DNAJB6: variants seen among roughly 807,000 people sequenced by gnomAD.
DNAJB6 encodes the protein DnaJ heat shock protein family (Hsp40) member B6.
In DNAJB6, 16 loss-of-function variants were observed where a neutral mutation model predicts 42.7. The ratio of observed to expected loss-of-function variants is 0.37; its 90% CI spans 0.25 to 0.57. DNAJB6 has a LOEUF of 0.57. Among genes scored for constraint, DNAJB6 ranks in the 20% least tolerant of loss-of-function variants. DNAJB6 has a pLI of 0.74. For synonymous variants in DNAJB6, 170 were observed against 163.5 expected, an observed-to-expected ratio of 1.04 and a Z score of -0.30; for missense variants, 347 against 416.8, an observed-to-expected ratio of 0.83 and a Z score of 1.46.
chr7:157,376,764 C>T (rs1800495511), intron 5 of DNAJB6, among the ~76,000 whole-genome samples: 1 of 152,138 alleles, frequency 6.6e-6, no homozygotes. Context: ...ACCTGTAATC[C>T]CAGCTACTTG....
At chr7:157,370,364 CATG>C (rs1316476723) in intron 5 of DNAJB6, among the ~76,000 whole-genome samples, 2 of 152,052 alleles carry the variant, frequency 1.3e-5, no homozygotes, top group Non-Finnish European at 2.9e-5. Context: ...CGTTTCTCAA[CATG>C]ATTATTAAAC....
At chr7:157,390,412 A>G (rs763714009) in intron 8 of DNAJB6, among the ~76,000 whole-genome samples, 10 of 152,152 alleles carry the variant, frequency 6.6e-5, no homozygotes, top group Non-Finnish European at 1.5e-4. Context: ...TCTCTCTTAA[A>G]CAGGGCAGCG....
intron 8 of DNAJB6, among the ~76,000 whole-genome samples, chr7:157,395,948 T>G (rs398048324): frequency 0.49 from 59,278 of 120,790 alleles, 12,669 homozygotes; most frequent in African/African-American, 0.64. Flanking sequence ...GAGCCTGTAA[T>G]TTTTTTTTTT....
At position 157,367,443 on chromosome 7, in the gene DNAJB6, A is replaced by G. The variant is rs1799899748; in HGVS notation, c.306A>G (p.Glu102=). The G allele has an allele frequency of 6.2e-7, 1 of 1,613,194 alleles. No individual in the cohort carries two copies. The highest frequency in any genetic ancestry group is 1.3e-5 in the African/African-American group (1 of 74,916). ...TFRNPDDVFR[E]FFGGRDPFSF... is the part of the protein sequence containing the mutation. Reference sequence around the variant, plus strand: ...GTAACCCAGATGATGTCTTCAGGGAATTTTTTGGTGGAAGGGACCCATTTT... The same window carrying G: ...GTAACCCAGATGATGTCTTCAGGGAGTTTTTTGGTGGAAGGGACCCATTTT... The change falls in exon 5 of 10, where the codon GAA becomes GAG. Residue 102 remains glutamate (E), a synonymous_variant. Transcript: ENST00000262177.
rs1799423565 is a variant in DNAJB6 at position 157,358,560 on chromosome 7, A to G, written c.-13A>G. On this transcript the variant is annotated 5_prime_UTR_variant, in exon 2 of 10. Transcript: ENST00000262177. ...TTTTACTTGCAGGACCCATTCCAAC[A>G]ATCTCGTAAAACATGGTGGATTACT... is the stretch of plus-strand genomic sequence containing the variant. 1.9e-6 allele frequency: 3 copies of G among 1,612,282 alleles called. No individual in the cohort carries two copies. The highest frequency in any genetic ancestry group is 2.2e-5 in the South Asian group (2 of 91,042).
intron 8 of DNAJB6, among the ~76,000 whole-genome samples, chr7:157,395,103 C>T (rs1801519903): frequency 8.3e-6 from 1 of 120,966 alleles, no homozygotes; most frequent in Admixed American, 7.8e-5. Context: ...CCGCCGCGCC[C>T]CCCCACCTCC....
At chr7:157,404,250 AG>A (rs990870938) in intron 8 of DNAJB6, among the ~76,000 whole-genome samples, 10 of 151,018 alleles carry the variant, frequency 6.6e-5, no homozygotes, top group African/African-American at 9.7e-5. Context: ...CTGGGATGAC[AG>A]GTGTGAGCTG....
chr7:157,357,585 AC>A (rs1348075101), intron 1 of DNAJB6, among the ~76,000 whole-genome samples: 1 of 151,968 alleles, frequency 6.6e-6, no homozygotes, highest in Non-Finnish European at 1.5e-5. Context: ...CGCTGGGATT[AC>A]AGGTGTGAGC....
In DNAJB6 at chr7:157,357,502, G is replaced by C. The variant is rs1244803481; in HGVS notation, c.-26-1045G>C. ...ATTTTTGTATTTTTAGTAGAGACAG[G>C]ATTTCACCATGTTGGCCAGGCTGAT... is the stretch of plus-strand genomic sequence containing the variant. On this transcript the variant is annotated intron_variant, in intron 1 of 9. Transcript: ENST00000262177. 2.0e-5 allele frequency among the ~76,000 whole-genome samples: 3 copies of C among 151,280 alleles called. No homozygotes were observed. In the East Asian group the frequency reaches 5.8e-4, roughly 29 times the overall value.
intron 1 of DNAJB6, among the ~76,000 whole-genome samples, chr7:157,341,478 T>C (rs748569749): frequency 1.3e-5 from 2 of 152,208 alleles, no homozygotes; most frequent in African/African-American, 4.8e-5. Context: ...GGAAGGGTGA[T>C]TTAGTTTACA....
intron 8 of DNAJB6, among the ~76,000 whole-genome samples, chr7:157,404,647 A>G (rs1795689258): frequency 6.6e-6 from 1 of 151,468 alleles, no homozygotes; most frequent in Non-Finnish European, 1.5e-5. Context: ...AGTAACTGGG[A>G]CTACAGGCAC....
intron 8 of DNAJB6, among the ~76,000 whole-genome samples, chr7:157,391,979 T>C (rs183439068): frequency 3.5e-4 from 53 of 151,742 alleles, no homozygotes; most frequent in African/African-American, 1.3e-3. Flanking sequence ...GGCGTGCGCT[T>C]GTAGTCCCAG....
In DNAJB6 at chr7:157,367,182, T is replaced by C. The variant is rs532963658; in HGVS notation, c.236-191T>C. On this transcript the variant is annotated intron_variant, in intron 4 of 9. Transcript: ENST00000262177. Reference sequence around the variant, plus strand: ...CGAAGGGGCCACTGCTGCACTCATATGCCATCAGCGCTGGGCACACTCACT... The same window carrying C: ...CGAAGGGGCCACTGCTGCACTCATACGCCATCAGCGCTGGGCACACTCACT... Among the ~76,000 whole-genome samples, 167 of 152,386 alleles carry C rather than the reference T, an allele frequency of 1.1e-3. 2 individuals are homozygous for C. Among genetic ancestry groups the C allele is most frequent in the Non-Finnish European group, 2.0e-3 (134 of 68,044 alleles).
chr7:157,410,376 G>A (rs1255171261), intron 9 of DNAJB6: 3 of 399,528 alleles, frequency 7.5e-6, no homozygotes, highest in Non-Finnish European at 8.8e-6. Flanking sequence ...TGCTGGTGGG[G>A]TCTGCGTTTG....
chr7:157,367,262 A>G (rs2116994602), intron 4 of DNAJB6, 111 bp from the exon 5 acceptor site: 3 of 727,132 alleles, frequency 4.1e-6, no homozygotes, highest in East Asian at 5.1e-5. Context: ...GGTTTATGAA[A>G]TATTTTTGTT....
At chr7:157,392,699 C>T (rs1034726366) in intron 8 of DNAJB6, among the ~76,000 whole-genome samples, 13 of 152,134 alleles carry the variant, frequency 8.5e-5, no homozygotes, top group African/African-American at 2.7e-4. Context: ...ATGAAAGGTG[C>T]AGTCAGTGCG....
At chr7:157,390,261 C>A (rs1341363831) in intron 8 of DNAJB6, among the ~76,000 whole-genome samples, 2 of 152,236 alleles carry the variant, frequency 1.3e-5, no homozygotes, top group Admixed American at 6.5e-5. Context: ...GGAGGCTTGC[C>A]ATGTGGATCC....
At chr7:157,354,962 G>A (rs1010017802) in intron 1 of DNAJB6, among the ~76,000 whole-genome samples, 3 of 152,140 alleles carry the variant, frequency 2.0e-5, no homozygotes, top group Non-Finnish European at 4.4e-5. Context: ...ATGTCTGCTG[G>A]ACATCCAAGT....
intron 8 of DNAJB6, among the ~76,000 whole-genome samples, chr7:157,390,750 G>A (rs1554465351): frequency 6.6e-6 from 1 of 152,208 alleles, no homozygotes; most frequent in Non-Finnish European, 1.5e-5. Flanking sequence ...TTTGCCCAAG[G>A]ACAGGGTCTA....
Sources: allele counts gnomAD v4.1 joint callset (sites outside exome capture counted in the v4.1 genomes callset), GRCh38; gene constraint gnomAD v4.1.1; transcripts MANE v1.5; gene names NCBI Gene and HGNC (gene_info 2026-07-23, HGNC 2026-07-21).